Variants in TCP11L2 observed in about 807,000 individuals in gnomAD.
TCP11L2 encodes T-complex protein 11-like protein 2.
In TCP11L2, 39 loss-of-function variants were observed where a neutral mutation model predicts 50.7. The observed-to-expected ratio is 0.77, with a 90% CI of 0.60 to 1.01. The LOEUF (loss-of-function observed/expected upper bound fraction) is 1.01, where lower values mean the gene tolerates loss of function less well. TCP11L2 is among the 50% of genes least tolerant of loss of function. The pLI, the probability that TCP11L2 is intolerant of heterozygous loss-of-function variation, is 0.00. For synonymous variants in TCP11L2, 192 were observed against 219.3 expected (o/e 0.88, Z 1.10); for missense variants, 612 against 614.7 (o/e 1.00, Z 0.05).
chr12:106,322,317 G>A (rs2035370294), intron 5 of TCP11L2, among the ~76,000 whole-genome samples: 2 of 152,088 alleles, frequency 1.3e-5, no homozygotes, highest in Admixed American at 1.3e-4. Flanking sequence ...CCATGGGGAA[G>A]ACATATGCAA....
intron 6 of TCP11L2, among the ~76,000 whole-genome samples, chr12:106,333,975 C>T (rs923403756): frequency 5.9e-5 from 9 of 151,942 alleles, no homozygotes; most frequent in Admixed American, 6.6e-5. Context: ...GGGGTATGGG[C>T]GGAAATAGAA....
intron 9 of TCP11L2, among the ~76,000 whole-genome samples, 183 bp from the exon 10 acceptor site, chr12:106,346,103 A>G (rs978045636): frequency 2.0e-5 from 3 of 152,204 alleles, no homozygotes; most frequent in African/African-American, 7.2e-5. Flanking sequence ...AAAGGATGGG[A>G]AAAACACACT....
intron 8 of TCP11L2, 31 bp from the exon 9 acceptor site, chr12:106,340,795 C>T (rs1431039703): frequency 6.5e-7 from 1 of 1,543,052 alleles, no homozygotes; most frequent in Non-Finnish European, 8.7e-7. Context: ...CAAAAACTTT[C>T]CCTGGTGGAA....
chr12:106,317,427 A>G (rs559162910), intron 3 of TCP11L2, among the ~76,000 whole-genome samples: 24 of 152,236 alleles, frequency 1.6e-4, no homozygotes, highest in Non-Finnish European at 3.2e-4. Flanking sequence ...GAGGCATGAG[A>G]ATCACTTGAA....
At chr12:106,302,150 G>A (rs928687851), upstream of TCP11L2, among the ~76,000 whole-genome samples, 2 of 152,150 alleles carry the variant, frequency 1.3e-5, no homozygotes, top group Non-Finnish European at 2.9e-5. Flanking sequence ...AGTTCCGATT[G>A]CCCCGTCTAG....
At chr12:106,316,984 G>C (rs1348146689) in intron 3 of TCP11L2, among the ~76,000 whole-genome samples, 1 of 152,204 alleles carries the variant, frequency 6.6e-6, no homozygotes, top group Non-Finnish European at 1.5e-5. Flanking sequence ...CAGACAGACT[G>C]TGGGGTTTGA....
chr12:106,305,644 C>G, intron 1 of TCP11L2, among the ~76,000 whole-genome samples: 1 of 152,188 alleles, frequency 6.6e-6, no homozygotes, highest in East Asian at 1.9e-4. Context: ...TCACTGAGCT[C>G]CTGCTCTAGC....
chr12:106,310,069 C>T (rs905321920), intron 1 of TCP11L2, among the ~76,000 whole-genome samples: 3 of 152,132 alleles, frequency 2.0e-5, no homozygotes, highest in Non-Finnish European at 4.4e-5. Flanking sequence ...AGCTCCCTCA[C>T]GGGCCTGGCT....
intron 6 of TCP11L2, among the ~76,000 whole-genome samples, chr12:106,335,361 A>G (rs531427022): frequency 6.6e-6 from 1 of 152,280 alleles, no homozygotes; most frequent in Admixed American, 6.5e-5. Context: ...TGACATCTAG[A>G]ATGTGCCATA....
At chr12:106,337,019 A>G (rs2035944124) in intron 8 of TCP11L2, among the ~76,000 whole-genome samples, 1 of 152,186 alleles carries the variant, frequency 6.6e-6, no homozygotes, top group Non-Finnish European at 1.5e-5. Flanking sequence ...CATGAATGCT[A>G]GAATCCCATT....
At chr12:106,311,534 A>G (rs888485785) in intron 2 of TCP11L2, among the ~76,000 whole-genome samples, 1 of 152,202 alleles carries the variant, frequency 6.6e-6, no homozygotes, top group Admixed American at 6.5e-5. Context: ...CCTTGAGATT[A>G]CTTCTTAGAT....
In TCP11L2 at chr12:106,321,690, A is replaced by T. The variant is rs138672494; in HGVS notation, c.619A>T (p.Ile207Phe). 335 of 1,614,040 alleles carry T rather than the reference A, an allele frequency of 2.1e-4. No homozygotes were observed. The highest frequency in any genetic ancestry group is 2.6e-4 in the Non-Finnish European group (305 of 1,180,026). Residue 207 changes from isoleucine to phenylalanine, a missense_variant, in exon 5 of 10, where the codon ATC becomes TTC. Coordinates refer to ENST00000299045, the MANE Select transcript of TCP11L2 (RefSeq NM_152772.3). ...CAGAGAGTTAAAGGCTACTGGCAAC[A>T]TCGTGGAGGTGCTGAGGTTAGCACT... is the stretch of plus-strand genomic sequence containing the variant. ...DIRELKATGN[I>F]VEVLRQIFHV...
At chr12:106,322,773 G>C (rs780422947) in intron 5 of TCP11L2, among the ~76,000 whole-genome samples, 4 of 152,214 alleles carry the variant, frequency 2.6e-5, no homozygotes, top group Non-Finnish European at 5.9e-5. Flanking sequence ...GACTCTCAAA[G>C]TGACACTCTC....
intron 9 of TCP11L2, among the ~76,000 whole-genome samples, chr12:106,341,226 A>G (rs1243644118): frequency 6.6e-6 from 1 of 152,248 alleles, no homozygotes; most frequent in Admixed American, 6.5e-5. Context: ...TATTCAGCCA[A>G]TAGATTTTAT....
At chr12:106,329,616 A>T (rs1555204084) in intron 6 of TCP11L2, 1 of 1,338,848 alleles carries the variant, frequency 7.5e-7, no homozygotes, top group East Asian at 2.9e-5. Flanking sequence ...TCCTTTTTAA[A>T]GCTCCCCAGG....
chr12:106,303,049 T>G (rs939310566), intron 1 of TCP11L2, 108 bp downstream of exon 1: 2 of 152,280 alleles, frequency 1.3e-5, no homozygotes, highest in African/African-American at 4.8e-5. Flanking sequence ...ATCTCGGAAC[T>G]CCATCCTGGG....
chr12:106,298,831 T>G (rs374268480), upstream of TCP11L2, among the ~76,000 whole-genome samples: 1 of 151,502 alleles, frequency 6.6e-6, no homozygotes, highest in African/African-American at 2.4e-5. Context: ...CCATTTTTTT[T>G]TGTGAGACCA....
At position 106,346,564 on chromosome 12, in the gene TCP11L2, C is replaced by G. The variant is rs1302542362; in HGVS notation, c.*34C>G. On this transcript the variant is annotated 3_prime_UTR_variant, in exon 10 of 10. Transcript: ENST00000299045. ...TGACATTGGACGAGAGATTGGAAATCCAGTACTTTGGTATCCAGTCCACTT... is the reference window on the plus strand; with the variant it reads ...TGACATTGGACGAGAGATTGGAAATGCAGTACTTTGGTATCCAGTCCACTT... 3.1e-6 allele frequency: 5 copies of G among 1,590,316 alleles called. No individual in the cohort carries two copies. Among genetic ancestry groups the G allele is most frequent in the African/African-American group, 1.3e-5 (1 of 74,370 alleles).
upstream of TCP11L2, among the ~76,000 whole-genome samples, chr12:106,300,107 A>C (rs141113299): frequency 6.6e-6 from 1 of 152,106 alleles, no homozygotes; most frequent in Non-Finnish European, 1.5e-5. Context: ...GTGTAATAAT[A>C]TGTCTTCTTC....
Sources: allele counts gnomAD v4.1 joint callset (sites outside exome capture counted in the v4.1 genomes callset), GRCh38; gene constraint gnomAD v4.1.1; transcripts MANE v1.5; gene names NCBI Gene and HGNC (gene_info 2026-07-23, HGNC 2026-07-21).